DNAJC17: variants seen among roughly 807,000 people sequenced by gnomAD.
DNAJC17 encodes the protein dnaJ homolog subfamily C member 17.
In DNAJC17, 35 loss-of-function variants were observed where a neutral mutation model predicts 48.1. That is an observed-to-expected ratio of 0.73 (90% CI 0.56 to 0.96). The LOEUF is 0.96. DNAJC17 is among the 50% of genes least tolerant of loss of function. DNAJC17 has a pLI of 0.00. For missense variants in DNAJC17, 355 were observed against 377.1 expected, an observed-to-expected ratio of 0.94 and a Z score of 0.48; for synonymous variants, 117 against 142.7, an observed-to-expected ratio of 0.82 and a Z score of 1.28.
At chr15:40,791,646 A>C (rs1383555445) in intron 1 of DNAJC17, among the ~76,000 whole-genome samples, 1 of 152,132 alleles carries the variant, frequency 6.6e-6, no homozygotes, top group Non-Finnish European at 1.5e-5. Context: ...GGAGTTCGAC[A>C]CTAGCCTGGC....
rs988903938 is a variant in DNAJC17 at position 40,768,035 on chromosome 15, C to T, written c.820G>A (p.Glu274Lys). The T allele has an allele frequency of 6.3e-7, 1 of 1,590,846 alleles. No individual in the cohort carries two copies. Among genetic ancestry groups the T allele is most frequent in the Non-Finnish European group, 8.5e-7 (1 of 1,170,886 alleles). ...CGCATGCGCATCATGACGAGGCTCTCGTAGTCCCTCTCTGACAGCACTGAG... is the reference window on the plus strand; with the variant it reads ...CGCATGCGCATCATGACGAGGCTCTTGTAGTCCCTCTCTGACAGCACTGAG... ...KGSVLSERDY[E>K]SLVMMRMRQA... Residue 274 changes from glutamate (E) to lysine (K), a missense_variant, in exon 11 of 11, where the codon GAG becomes AAG. By Grantham distance (56) the Glu-to-Lys change is moderately conservative. Around this residue, in one of 3 missense-constraint regions of DNAJC17, gnomAD observed 88 missense variants for 67.7 expected, o/e 1.30. Coordinates refer to ENST00000220496, the MANE Select transcript of DNAJC17 (RefSeq NM_018163.3).
At chr15:40,793,703 C>T (rs1250399881) in intron 1 of DNAJC17, among the ~76,000 whole-genome samples, 3 of 152,034 alleles carry the variant, frequency 2.0e-5, no homozygotes, top group African/African-American at 7.2e-5. Context: ...AAGATGGACT[C>T]ACAATGAAAA....
At chr15:40,789,879 C>A (rs888629240) in intron 1 of DNAJC17, among the ~76,000 whole-genome samples, 1 of 114,712 alleles carries the variant, frequency 8.7e-6, no homozygotes, top group Non-Finnish European at 1.6e-5. Context: ...GCACTCCAGC[C>A]TGGGAGACAG....
intron 1 of DNAJC17, among the ~76,000 whole-genome samples, chr15:40,788,024 G>T (rs1889688359): frequency 1.3e-5 from 2 of 152,130 alleles, no homozygotes; most frequent in Admixed American, 6.6e-5. Context: ...CACAGAGGGA[G>T]GCAGCTCTAT....
At chr15:40,784,064 CA>C in intron 1 of DNAJC17, among the ~76,000 whole-genome samples, 1 of 151,222 alleles carries the variant, frequency 6.6e-6, no homozygotes. Flanking sequence ...CCGTCTCTAC[CA>C]AAAATACAAA....
intron 1 of DNAJC17, among the ~76,000 whole-genome samples, chr15:40,802,520 G>A (rs1890101389): frequency 6.6e-6 from 1 of 152,012 alleles, no homozygotes. Flanking sequence ...CACATGGAGG[G>A]ATCAAACAGG....
intron 1 of DNAJC17, among the ~76,000 whole-genome samples, chr15:40,790,050 G>T (rs1385103422): frequency 2.0e-5 from 3 of 152,070 alleles, no homozygotes; most frequent in East Asian, 1.9e-4. Flanking sequence ...TAACTTCAAG[G>T]AAATGGAAAC....
At chr15:40,805,245 G>A (rs1241470002) in intron 1 of DNAJC17, among the ~76,000 whole-genome samples, 5 of 146,878 alleles carry the variant, frequency 3.4e-5, no homozygotes, top group Non-Finnish European at 6.0e-5. Flanking sequence ...GCGTGGTGGC[G>A]GGTGCCTGTA....
At chr15:40,776,134 G>T in intron 6 of DNAJC17, 62 bp downstream of exon 6, 1 of 1,529,524 alleles carries the variant, frequency 6.5e-7, no homozygotes, top group South Asian at 1.1e-5. Context: ...CAGCCAGTGT[G>T]GCCGCTCTGA....
At chr15:40,802,992 A>G (rs934960533) in intron 1 of DNAJC17, among the ~76,000 whole-genome samples, 1 of 151,874 alleles carries the variant, frequency 6.6e-6, no homozygotes, top group Non-Finnish European at 1.5e-5. Context: ...GGTCCCAGCT[A>G]CTTTTGAGGC....
rs1472598898 is a variant in DNAJC17, at chr15:40,770,298, C to G, written c.793-2236G>C. ...TGCCAGGAACTCCCAGCTGTCTGCT[C>G]TCCTGGGCAAAAAAGTTCCTTCTTC... On this transcript the variant is annotated intron_variant, in intron 10 of 10. Transcript: ENST00000220496. The surrounding 1 kb of genome is among the most constrained non-coding windows in gnomAD (Gnocchi z 5.0). The G allele has an allele frequency of 1.2e-5, 7 of 600,496 alleles. No individual in the cohort carries two copies. The highest frequency in any genetic ancestry group is 2.0e-5 in the Non-Finnish European group (7 of 343,878). 37.2% of individuals were successfully genotyped at this position (600,496 alleles called of 1,614,324 possible). A position where few individuals can be genotyped will look rare whatever the true frequency, so the allele number is the denominator to read the frequency against.
chr15:40,767,202 C>CA lies in DNAJC17; in HGVS notation c.*737_*738insT. ...GAGCTTGCTGTGTGCCCCTCCTCAC[C>CA]CCCCCCATCCTGTCTCTTTGCAGTT... On this transcript the variant is annotated 3_prime_UTR_variant, in exon 11 of 11. Transcript: ENST00000220496. 1.4e-6 allele frequency: 2 copies of CA among 1,470,446 alleles called. No individual in the cohort carries two copies. The highest frequency in any genetic ancestry group is 2.9e-5 in the African/African-American group (2 of 68,598). 91.1% of individuals were successfully genotyped at this position (1,470,446 alleles called of 1,614,324 possible).
chr15:40,783,023 A>T (rs1179870499), intron 1 of DNAJC17, among the ~76,000 whole-genome samples: 1 of 152,124 alleles, frequency 6.6e-6, no homozygotes, highest in African/African-American at 2.4e-5. Flanking sequence ...TTTTCACTAC[A>T]AAAAAGAACA....
intron 10 of DNAJC17, among the ~76,000 whole-genome samples, chr15:40,768,927 G>A (rs998591831): frequency 1.3e-5 from 2 of 152,256 alleles, no homozygotes; most frequent in Admixed American, 6.5e-5. Context: ...TGGCCTGCCC[G>A]TAGCAGAGAG....
chr15:40,776,454 C>G, intron 5 of DNAJC17, 88 bp downstream of exon 5: 1 of 1,540,046 alleles, frequency 6.5e-7, no homozygotes, highest in Non-Finnish European at 8.9e-7. Context: ...AGAGCATGCC[C>G]TCTCTAGCCA....
At chr15:40,775,809 A>C (rs1373223158) in intron 6 of DNAJC17, among the ~76,000 whole-genome samples, 1 of 152,110 alleles carries the variant, frequency 6.6e-6, no homozygotes, top group African/African-American at 2.4e-5. Context: ...CTGCCTCCTG[A>C]AGGCCACTTG....
At position 40,796,272 on chromosome 15, in the gene DNAJC17, A is replaced by T. The variant is rs1889938581; in HGVS notation, c.78+11097T>A. 5.3e-5 allele frequency among the ~76,000 whole-genome samples: 8 copies of T among 152,210 alleles called. No individual in the cohort carries two copies. The South Asian group carries it at 1.7e-3, about 31-fold the overall frequency. The stretch of plus-strand genomic sequence containing the variant: ...GTCCTTTCCTTCCTGGATTTTTTAC[A>T]TTCTAATGGGAGAGCAATGGTAAGC... On this transcript the variant is annotated intron_variant, in intron 1 of 10. Coordinates refer to ENST00000220496, the MANE Select transcript of DNAJC17 (RefSeq NM_018163.3).
intron 4 of DNAJC17, 39 bp downstream of exon 4, chr15:40,779,184 A>G (rs1016922179): frequency 6.3e-7 from 1 of 1,592,716 alleles, no homozygotes; most frequent in Non-Finnish European, 8.6e-7. Flanking sequence ...AAATGACCAC[A>G]GGAAACCACA....
rs191963320 is a variant in DNAJC17, at chr15:40,802,767, G to A, written c.78+4602C>T. Among the ~76,000 whole-genome samples, 432 of 152,190 alleles carry A rather than the reference G, an allele frequency of 2.8e-3. 2 individuals are homozygous for A. Among genetic ancestry groups the A allele is most frequent in the Non-Finnish European group, 5.3e-3 (358 of 68,014 alleles). Reference sequence around the variant, plus strand: ...GCAGTTTCGCCATCAGTAACACAGGGAGCTTGGCCTCCATTAGGGCTTCTT... The same window carrying A: ...GCAGTTTCGCCATCAGTAACACAGGAAGCTTGGCCTCCATTAGGGCTTCTT... On this transcript the variant is annotated intron_variant, in intron 1 of 10. Transcript: ENST00000220496.
Sources: allele counts gnomAD v4.1 joint callset (sites outside exome capture counted in the v4.1 genomes callset), GRCh38; gene constraint gnomAD v4.1.1; regional missense constraint gnomAD v4.1.1; non-coding constraint Gnocchi (gnomAD v3.1); transcripts MANE v1.5; gene names NCBI Gene and HGNC (gene_info 2026-07-23, HGNC 2026-07-21).